RTN4: variants seen among roughly 807,000 people sequenced by gnomAD.
RTN4 encodes the protein reticulon 4, also known as reticulon-4.
Under a neutral mutation model 90.4 loss-of-function variants are expected in RTN4, and 32 were observed. That is an observed-to-expected ratio of 0.35 (90% CI 0.27 to 0.48). The LOEUF is 0.48. Ranked by LOEUF, RTN4 falls within the 20% of genes least tolerant of loss-of-function variation. The probability of loss-of-function intolerance (pLI) is 0.99; values close to 1 mark genes in which losing one functional copy is unlikely to be tolerated. For synonymous variants in RTN4, 629 were observed against 552.5 expected (o/e 1.14, Z -1.94); for missense variants, 1,706 against 1,430.2 (o/e 1.19, Z -3.11).
rs954270049 is a variant in RTN4, at chr2:55,050,213, C to T, written c.88G>A (p.Glu30Lys). ...QPAFKYQFVR[E>K]PEDEEEEEEE... ...TCTTCTTCCTCCTCGTCCTCGGGCT[C>T]CCTCACGAACTGGTACTTGAACGCG... Residue 30 changes from glutamate to lysine, a missense_variant, in exon 1 of 9, where the codon GAG becomes AAG. Transcript: ENST00000337526. This position sits in a 1 kb window ranked among gnomAD's most constrained non-coding sequence, Gnocchi z 4.6. 1.3e-6 allele frequency: 2 copies of T among 1,566,128 alleles called. No individual in the cohort carries two copies. The highest frequency in any genetic ancestry group is 8.6e-7 in the Non-Finnish European group (1 of 1,159,276).
intron 3 of RTN4, among the ~76,000 whole-genome samples, chr2:55,004,925 G>C (rs919632853): frequency 4.6e-5 from 7 of 152,270 alleles, no homozygotes; most frequent in African/African-American, 1.7e-4. Flanking sequence ...TCCCCAGGGA[G>C]GCTTAGTGAA....
intron 1 of RTN4, among the ~76,000 whole-genome samples, chr2:55,029,633 A>G (rs1386604044): frequency 6.6e-6 from 1 of 152,218 alleles, no homozygotes; most frequent in Admixed American, 6.5e-5. Context: ...ACCCTTAATG[A>G]ATTAGGAGAG....
chr2:54,975,964 G>C (rs1373451922), intron 5 of RTN4, among the ~76,000 whole-genome samples: 1 of 152,196 alleles, frequency 6.6e-6, no homozygotes, highest in Non-Finnish European at 1.5e-5. Context: ...ACCCCTGGTA[G>C]AAAGGTTTGA....
chr2:55,035,288 A>C (rs1249030490), intron 1 of RTN4, among the ~76,000 whole-genome samples: 1 of 152,190 alleles, frequency 6.6e-6, no homozygotes, highest in Non-Finnish European at 1.5e-5. Flanking sequence ...AAACAATCTC[A>C]ATCTAAAACA....
intron 3 of RTN4, among the ~76,000 whole-genome samples, chr2:55,017,103 A>C (rs1001000808): frequency 1.3e-5 from 2 of 152,214 alleles, no homozygotes; most frequent in Admixed American, 1.3e-4. Flanking sequence ...TAATTTAGCT[A>C]CATTGTACAT....
At chr2:55,020,972 G>A (rs149827796) in intron 3 of RTN4, among the ~76,000 whole-genome samples, 15 of 152,134 alleles carry the variant, frequency 9.9e-5, no homozygotes, top group Non-Finnish European at 1.8e-4. Flanking sequence ...CTTCAGCCTG[G>A]GCGACACAGC....
intron 3 of RTN4, chr2:55,010,028 T>G: frequency 6.4e-7 from 1 of 1,560,528 alleles, no homozygotes; most frequent in Non-Finnish European, 8.8e-7. Flanking sequence ...AGCTTATTCA[T>G]AGAAATATAT....
intron 3 of RTN4, among the ~76,000 whole-genome samples, chr2:54,990,451 A>T (rs1029195248): frequency 2.0e-5 from 3 of 152,240 alleles, no homozygotes; most frequent in African/African-American, 7.2e-5. Flanking sequence ...TAGATTTTTC[A>T]TTAGTAAGAT....
chr2:55,059,614 G>A (rs1484105853), intron 2 of RTN4, among the ~76,000 whole-genome samples: 3 of 151,902 alleles, frequency 2.0e-5, no homozygotes, highest in Non-Finnish European at 4.4e-5. Flanking sequence ...TGGGTGTATC[G>A]CTTGAGGTCA....
intron 3 of RTN4, among the ~76,000 whole-genome samples, chr2:54,993,030 C>T (rs546754339): frequency 1.7e-4 from 24 of 143,410 alleles, no homozygotes; most frequent in East Asian, 1.6e-3. Flanking sequence ...GCCGAGATTG[C>T]GCCACTGCAC....
chr2:55,072,758 G>A (rs1668538832), intron 2 of RTN4, among the ~76,000 whole-genome samples: 1 of 152,190 alleles, frequency 6.6e-6, no homozygotes, highest in Admixed American at 6.5e-5. Context: ...CCAAAGGAAT[G>A]TTTACATGAT....
At chr2:54,978,884 A>C (rs551851385) in intron 5 of RTN4, among the ~76,000 whole-genome samples, 8 of 152,182 alleles carry the variant, frequency 5.3e-5, no homozygotes, top group African/African-American at 9.7e-5. Flanking sequence ...AAACAAGGTA[A>C]ATACATTTTT....
chr2:55,088,136 G>A lies in RTN4; in HGVS notation c.-213-7497C>T, dbSNP rs188504294. On this transcript the variant is annotated intron_variant, in intron 1 of 3. Transcript: ENST00000427710. Reference sequence around the variant, plus strand: ...TAGCACAGTTATCTCAAGTACTTACGGGTTATGTTATCTTCTCCCCAGCTA... The same window carrying A: ...TAGCACAGTTATCTCAAGTACTTACAGGTTATGTTATCTTCTCCCCAGCTA... Among the ~76,000 whole-genome samples, 444 of 152,252 alleles carry A rather than the reference G, an allele frequency of 2.9e-3. 2 individuals are homozygous for A. The highest frequency in any genetic ancestry group is 0.01 in the African/African-American group (425 of 41,554).
At position 55,082,020 on chromosome 2, in the gene RTN4, A is replaced by C. The variant is rs184035338; in HGVS notation, c.-213-1381T>G. The stretch of plus-strand genomic sequence containing the variant: ...TGCCTTTAAATATAACAGCCATTTG[A>C]TTCTTTCAGGTAGATGGGTACTTTA... On this transcript the variant is annotated intron_variant, in intron 1 of 3. Coordinates refer to the RTN4 transcript ENST00000427710. 1.2e-4 allele frequency among the ~76,000 whole-genome samples: 18 copies of C among 152,206 alleles called. No homozygotes were observed. The East Asian group carries it at 3.5e-3, about 29-fold the overall frequency.
chr2:55,036,885 C>T (rs1682729413), intron 1 of RTN4, among the ~76,000 whole-genome samples: 1 of 152,116 alleles, frequency 6.6e-6, no homozygotes, highest in South Asian at 2.1e-4. Context: ...ACTCAAGATT[C>T]TGTGTTAAAC....
intron 1 of RTN4, among the ~76,000 whole-genome samples, chr2:55,087,827 C>T (rs1345382700): frequency 6.6e-6 from 1 of 152,096 alleles, no homozygotes; most frequent in Non-Finnish European, 1.5e-5. Context: ...GCTCCAGATC[C>T]TCACCAGTGA....
intron 3 of RTN4, among the ~76,000 whole-genome samples, chr2:54,990,725 GT>G (rs1558773550): frequency 1.3e-5 from 2 of 152,014 alleles, no homozygotes; most frequent in Non-Finnish European, 2.9e-5. Context: ...CTATTATAGG[GT>G]AAGTAAAAGC....
intron 2 of RTN4, among the ~76,000 whole-genome samples, chr2:55,070,214 A>G (rs1558866816): frequency 6.6e-6 from 1 of 152,062 alleles, no homozygotes; most frequent in Non-Finnish European, 1.5e-5. Context: ...GCTACTCACT[A>G]GATGCCAGTA....
At chr2:55,081,458 C>T (rs969952599) in intron 1 of RTN4, among the ~76,000 whole-genome samples, 1 of 152,092 alleles carries the variant, frequency 6.6e-6, no homozygotes. Flanking sequence ...ATATGCAGAA[C>T]AGCATTATTC....
Sources: allele counts gnomAD v4.1 joint callset (sites outside exome capture counted in the v4.1 genomes callset), GRCh38; gene constraint gnomAD v4.1.1; non-coding constraint Gnocchi (gnomAD v3.1); transcripts MANE v1.5; gene names NCBI Gene and HGNC (gene_info 2026-07-23, HGNC 2026-07-21).